NWD1: variants seen among roughly 807,000 people sequenced by gnomAD.
The protein encoded by NWD1 is NACHT and WD repeat domain containing 1, also known as NACHT domain- and WD repeat-containing protein 1.
NWD1 carries 129 observed loss-of-function variants against 135.1 expected under a neutral mutation model. That is an observed-to-expected ratio of 0.96 (90% CI 0.83 to 1.11). The LOEUF (loss-of-function observed/expected upper bound fraction) is 1.11. Ranked by LOEUF, NWD1 falls within the 50% of genes least tolerant of loss-of-function variation. NWD1 has a pLI of 0.00. For missense variants in NWD1, 1,740 were observed against 1,851.3 expected, an observed-to-expected ratio of 0.94 and a Z score of 1.10; for synonymous variants, 773 against 786.0, an observed-to-expected ratio of 0.98 and a Z score of 0.28.
Position 16,749,887 on chromosome 19 carries a change from G to A in NWD1, c.1245G>A (p.Gln415=). The change falls in exon 6 of 19, where the codon CAG becomes CAA. Residue 415 remains glutamine (Q), a synonymous_variant. Transcript: ENST00000524140. ...TGGACGCCCACACCAGGGTGGTCCA[G>A]TTTTTCCATACCCTCCTCCACACTG... The part of the protein sequence containing the change: ...QVLDAHTRVV[Q]FFHTLLHTVS... 1.2e-6 allele frequency: 2 copies of A among 1,613,582 alleles called. No individual in the cohort carries two copies. Among genetic ancestry groups the A allele is most frequent in the African/African-American group, 1.3e-5 (1 of 75,066 alleles).
At chr19:16,744,991 G>A (rs1038462260) in intron 5 of NWD1, 40 of 625,520 alleles carry the variant, frequency 6.4e-5, no homozygotes, top group Middle Eastern at 4.1e-4. Flanking sequence ...GGCCGTATTA[G>A]TCTGTTCTCA....
chr19:16,785,518 T>G (rs1166061296), intron 12 of NWD1, among the ~76,000 whole-genome samples: 1 of 148,076 alleles, frequency 6.8e-6, no homozygotes, highest in Non-Finnish European at 1.5e-5. Context: ...CTCAAAAAAA[T>G]AAAATAAAAT....
chr19:16,789,134 T>G lies in NWD1; in HGVS notation c.2884T>G (p.Trp962Gly). ...GSKNPAEPQI[W>G]NLHVDEAHKV... ...AAAAAATCCCGCTGAACCTCAGATCTGGAACCTTCATGTGGATGAGGCACA... is the reference window on the plus strand; with the variant it reads ...AAAAAATCCCGCTGAACCTCAGATCGGGAACCTTCATGTGGATGAGGCACA... The change falls in exon 13 of 19, where the codon TGG becomes GGG. Residue 962 changes from tryptophan to glycine, a missense_variant. Physicochemically the swap from Trp to Gly is radical, Grantham distance 184. Transcript: ENST00000524140. 1 of 1,614,118 alleles carries G rather than the reference T, an allele frequency of 6.2e-7. No individual in the cohort carries two copies. Among genetic ancestry groups the G allele is most frequent in the Non-Finnish European group, 8.5e-7 (1 of 1,179,986 alleles).
At chr19:16,777,661 A>C (rs548797303) in intron 11 of NWD1, among the ~76,000 whole-genome samples, 5 of 13,606 alleles carry the variant, frequency 3.7e-4, no homozygotes, top group African/African-American at 2.0e-3. Flanking sequence ...GGGAAAGGGG[A>C]GAGCAGGGGA....
At chr19:16,743,656 ATTTATTTATTTATTTATTAGTTTG>A (rs1479821568) in intron 4 of NWD1, among the ~76,000 whole-genome samples, 4 of 144,998 alleles carry the variant, frequency 2.8e-5, no homozygotes, top group Non-Finnish European at 5.9e-5. Context: ...AACCATACAT[ATTTATTTATTTATTTATTAGTTTG>A]TTTATTTATT....
At chr19:16,788,277 T>A (rs1970123456) in intron 12 of NWD1, among the ~76,000 whole-genome samples, 2 of 128,010 alleles carry the variant, frequency 1.6e-5, no homozygotes, top group Admixed American at 1.5e-4. Context: ...ATAATAATAA[T>A]AATAATAAAA....
chr19:16,804,930 T>C (rs1970707756), intron 17 of NWD1, among the ~76,000 whole-genome samples: 1 of 152,032 alleles, frequency 6.6e-6, no homozygotes, highest in African/African-American at 2.4e-5. Flanking sequence ...GCTCAAGCGA[T>C]CTTCCTGCCT....
At chr19:16,751,486 A>T (rs916478774) in intron 6 of NWD1, among the ~76,000 whole-genome samples, 2 of 144,654 alleles carry the variant, frequency 1.4e-5, no homozygotes, top group African/African-American at 5.7e-5. Context: ...AAGAGAAAGG[A>T]AGGAAGGAAG....
Position 16,779,261 on chromosome 19 carries a change from G to A in NWD1, c.2609-82G>A, listed in dbSNP as rs531618773. ...GCCTCAGTTGTCTTATCTGTGAAGTGGGGGGCTCATTAGAGGACCCCATAG... is the reference window on the plus strand; with the variant it reads ...GCCTCAGTTGTCTTATCTGTGAAGTAGGGGGCTCATTAGAGGACCCCATAG... On this transcript the variant is annotated intron_variant, in intron 11 of 18. Coordinates refer to ENST00000524140, the MANE Select transcript of NWD1 (RefSeq NM_001007525.5). 1.9e-5 allele frequency: 28 copies of A among 1,475,150 alleles called. No homozygotes were observed. The South Asian group carries it at 2.5e-4, about 13-fold the overall frequency. The allele number at this position is 1,475,150 out of a possible 1,614,324, so 91.4% of individuals were successfully genotyped here.
At chr19:16,810,327 A>G (rs373405532) in intron 18 of NWD1, among the ~76,000 whole-genome samples, 6 of 150,816 alleles carry the variant, frequency 4.0e-5, no homozygotes, top group African/African-American at 1.5e-4. Flanking sequence ...AATCCCGGCT[A>G]CCCGGGAGGC....
intron 2 of NWD1, among the ~76,000 whole-genome samples, chr19:16,729,226 G>A (rs1967455972): frequency 6.6e-6 from 1 of 151,962 alleles, no homozygotes. Flanking sequence ...CTTAAAAACT[G>A]CCAGAACCTT....
intron 10 of NWD1, 70 bp from the exon 11 acceptor site, chr19:16,773,054 CAG>C: frequency 3.1e-6 from 4 of 1,298,684 alleles, no homozygotes; most frequent in South Asian, 1.2e-5. Context: ...CTGCAGGGAG[CAG>C]AGACTCAATT....
At chr19:16,803,562 T>C (rs752206202) in intron 17 of NWD1, among the ~76,000 whole-genome samples, 3 of 151,944 alleles carry the variant, frequency 2.0e-5, no homozygotes, top group Non-Finnish European at 4.4e-5. Context: ...AACATAGGAA[T>C]TTGTCAGGGG....
chr19:16,741,035 C>T (rs909920145), intron 4 of NWD1, among the ~76,000 whole-genome samples: 5 of 152,114 alleles, frequency 3.3e-5, no homozygotes, highest in Non-Finnish European at 7.3e-5. Flanking sequence ...TCGTGGGTGC[C>T]TATAATCCCA....
At chr19:16,774,912 A>G (rs1370741055) in intron 11 of NWD1, among the ~76,000 whole-genome samples, 2 of 151,982 alleles carry the variant, frequency 1.3e-5, no homozygotes, top group African/African-American at 4.8e-5. Context: ...AATTTCATCG[A>G]GAAACTGATT....
At chr19:16,738,453 C>G (rs1256806554) in intron 4 of NWD1, among the ~76,000 whole-genome samples, 5 of 151,052 alleles carry the variant, frequency 3.3e-5, no homozygotes, top group Non-Finnish European at 7.4e-5. Context: ...CCTGTGATCC[C>G]AGCTACTTGG....
chr19:16,811,580 G>A (rs1366890101), intron 18 of NWD1, among the ~76,000 whole-genome samples: 11 of 140,300 alleles, frequency 7.8e-5, no homozygotes, highest in Non-Finnish European at 1.4e-4. Flanking sequence ...GCGAGACTCT[G>A]TCTCAGAAAA....
chr19:16,815,061 T>C lies in NWD1; in HGVS notation c.*22T>C, dbSNP rs2144544587. ...CTGACAGTCCAGTTTGTCCATGCTG[T>C]GGTAAACAGAATCATCCCAACCACC... is the stretch of plus-strand genomic sequence containing the variant. On this transcript the variant is annotated 3_prime_UTR_variant, in exon 19 of 19. Coordinates refer to ENST00000524140, the MANE Select transcript of NWD1 (RefSeq NM_001007525.5). 1 of 1,613,380 alleles carries C rather than the reference T, an allele frequency of 6.2e-7. No homozygotes were observed. The highest frequency in any genetic ancestry group is 1.6e-4 in the Middle Eastern group (1 of 6,062).
chr19:16,782,862 TTCTTTC>T (rs1969902260), intron 12 of NWD1, among the ~76,000 whole-genome samples: 1 of 36,462 alleles, frequency 2.7e-5, no homozygotes, highest in African/African-American at 1.5e-4. Flanking sequence ...TTCCTTTTCC[TTCTTTC>T]TTTCTTTCTT....
Sources: allele counts gnomAD v4.1 joint callset (sites outside exome capture counted in the v4.1 genomes callset), GRCh38; gene constraint gnomAD v4.1.1; transcripts MANE v1.5; gene names NCBI Gene and HGNC (gene_info 2026-07-23, HGNC 2026-07-21).